The following ANO2 variants were observed in gnomAD, a reference collection of about 807,000 sequenced individuals.
ANO2 encodes the protein anoctamin 2.
Under a neutral mutation model 124.2 loss-of-function variants are expected in ANO2, and 101 were observed. The ratio of observed to expected loss-of-function variants is 0.81; its 90% confidence interval spans 0.69 to 0.96. The LOEUF (loss-of-function observed/expected upper bound fraction) is 0.96, where lower values mean the gene tolerates loss of function less well. ANO2 is among the 40% of genes least tolerant of loss of function. The pLI, the probability that ANO2 is intolerant of heterozygous loss-of-function variation, is 0.00. For missense variants in ANO2, 1,293 were observed against 1,274.5 expected (o/e 1.01, Z -0.22); for synonymous variants, 486 against 482.5 (o/e 1.01, Z -0.09).
At chr12:5,639,402 A>T (rs766464464) in intron 15 of ANO2, among the ~76,000 whole-genome samples, 1 of 152,210 alleles carries the variant, frequency 6.6e-6, no homozygotes, top group African/African-American at 2.4e-5. Flanking sequence ...TGGAAAAAGG[A>T]AACAGAAAGC....
At chr12:5,838,892 A>T (rs903182388) in intron 4 of ANO2, among the ~76,000 whole-genome samples, 4 of 152,194 alleles carry the variant, frequency 2.6e-5, no homozygotes, top group African/African-American at 9.7e-5. Flanking sequence ...GCTGACACCA[A>T]TGAGATGTGC....
intron 13 of ANO2, among the ~76,000 whole-genome samples, chr12:5,733,555 T>C (rs911598382): frequency 6.6e-6 from 1 of 152,226 alleles, no homozygotes; most frequent in South Asian, 2.1e-4. Context: ...GGCTCTGCCA[T>C]TCAGGGAACA....
chr12:5,881,604 C>T (rs183150143), intron 3 of ANO2, among the ~76,000 whole-genome samples: 2 of 152,316 alleles, frequency 1.3e-5, no homozygotes, highest in Non-Finnish European at 2.9e-5. Flanking sequence ...AGGCATCATG[C>T]TAAGAAGTCA....
chr12:5,717,057 G>C (rs17785727), intron 14 of ANO2, among the ~76,000 whole-genome samples: 1 of 152,130 alleles, frequency 6.6e-6, no homozygotes, highest in Non-Finnish European at 1.5e-5. Flanking sequence ...ATTGACTTTG[G>C]ACAATCTGTG....
chr12:5,842,161 T>C (rs962327088), intron 4 of ANO2, among the ~76,000 whole-genome samples: 1 of 152,138 alleles, frequency 6.6e-6, no homozygotes, highest in African/African-American at 2.4e-5. Context: ...ATTACAGGTG[T>C]AAGCCACCAT....
chr12:5,819,637 C>G (rs1178427698), intron 7 of ANO2, among the ~76,000 whole-genome samples: 1 of 152,172 alleles, frequency 6.6e-6, no homozygotes, highest in Non-Finnish European at 1.5e-5. Flanking sequence ...GGATTAGTCA[C>G]TTTAGACCTA....
intron 14 of ANO2, among the ~76,000 whole-genome samples, chr12:5,711,162 A>AC (rs1326376303): frequency 6.6e-6 from 1 of 151,958 alleles, no homozygotes; most frequent in Non-Finnish European, 1.5e-5. Flanking sequence ...TGTCTCAAAA[A>AC]AAAAAAAAAA....
At chr12:5,703,561 G>A (rs1260432281) in intron 14 of ANO2, among the ~76,000 whole-genome samples, 1 of 151,900 alleles carries the variant, frequency 6.6e-6, no homozygotes, top group East Asian at 1.9e-4. Flanking sequence ...TTTTGAGACA[G>A]GGTCTCACTC....
intron 14 of ANO2, among the ~76,000 whole-genome samples, chr12:5,701,339 C>T (rs1015805129): frequency 1.3e-5 from 2 of 152,028 alleles, no homozygotes; most frequent in African/African-American, 2.4e-5. Flanking sequence ...TTTTTGTGTG[C>T]TGATTCCTAA....
intron 12 of ANO2, chr12:5,740,568 A>G (rs150661764): frequency 6.5e-6 from 1 of 153,392 alleles, no homozygotes; most frequent in African/African-American, 2.4e-5. Context: ...AAACAACTAC[A>G]ATACAAGACA....
At chr12:5,606,530 G>A (rs955477899) in intron 19 of ANO2, among the ~76,000 whole-genome samples, 1 of 152,140 alleles carries the variant, frequency 6.6e-6, no homozygotes. Context: ...CCTATTTATG[G>A]AAACTGATGG....
chr12:5,911,287 G>C (rs1441364580), intron 3 of ANO2, among the ~76,000 whole-genome samples: 1 of 152,192 alleles, frequency 6.6e-6, no homozygotes, highest in East Asian at 1.9e-4. Context: ...AAGCAGGAGA[G>C]AGGGGCCAGA....
intron 20 of ANO2, among the ~76,000 whole-genome samples, chr12:5,593,484 AT>A (rs1210780481): frequency 6.6e-6 from 1 of 152,162 alleles, no homozygotes; most frequent in Non-Finnish European, 1.5e-5. Context: ...CAGGCTTCTG[AT>A]TCTTAGGTAT....
At chr12:5,799,451 A>G (rs1952972032) in intron 10 of ANO2, 56 bp downstream of exon 10, 1 of 1,459,362 alleles carries the variant, frequency 6.9e-7, no homozygotes, top group Non-Finnish European at 9.6e-7. Flanking sequence ...TTTATGATAC[A>G]TCTTTCAGGA....
At chr12:5,712,360 G>A (rs950352259) in intron 14 of ANO2, among the ~76,000 whole-genome samples, 1 of 152,142 alleles carries the variant, frequency 6.6e-6, no homozygotes, top group Non-Finnish European at 1.5e-5. Flanking sequence ...ATTTAGGGTA[G>A]GCCCTGAGTC....
chr12:5,634,951 A>G (rs1448839803), intron 16 of ANO2, among the ~76,000 whole-genome samples: 1 of 152,220 alleles, frequency 6.6e-6, no homozygotes, highest in Non-Finnish European at 1.5e-5. Flanking sequence ...AGAACATTAC[A>G]GGAAGGATTC....
chr12:5,602,555 G>C (rs992103666), intron 19 of ANO2, among the ~76,000 whole-genome samples: 1 of 152,006 alleles, frequency 6.6e-6, no homozygotes, highest in Non-Finnish European at 1.5e-5. Context: ...CACCCGGCCT[G>C]AAACTCCAAC....
At chr12:5,640,695 G>A (rs553199466) in intron 15 of ANO2, among the ~76,000 whole-genome samples, 2 of 152,330 alleles carry the variant, frequency 1.3e-5, no homozygotes, top group South Asian at 2.1e-4. Flanking sequence ...ACACCAGTTA[G>A]AATGGCAATC....
chr12:5,760,590 G>T (rs1321641130), intron 10 of ANO2, among the ~76,000 whole-genome samples: 1 of 152,062 alleles, frequency 6.6e-6, no homozygotes, highest in African/African-American at 2.4e-5. Flanking sequence ...AAGATGTAAA[G>T]AATAGAAATT....
Sources: gnomAD v4.1 joint callset for allele counts (sites outside exome capture counted in the v4.1 genomes callset) on GRCh38, gnomAD v4.1.1 for gene constraint, MANE v1.5 for transcripts, NCBI Gene and HGNC (gene_info 2026-07-23, HGNC 2026-07-21) for gene names.